The following CDK15 variants were observed in gnomAD, a reference collection of about 807,000 sequenced individuals.
CDK15 encodes the protein cyclin-dependent kinase 15.
Under a neutral mutation model 60.3 loss-of-function variants are expected in CDK15, and 62 were observed. The observed-to-expected ratio is 1.03, with a 90% CI of 0.84 to 1.27. CDK15 has a LOEUF of 1.27. Ranked by LOEUF, CDK15 falls within the 50% of genes most tolerant of loss-of-function variation. CDK15 has a pLI of 0.00. For missense variants in CDK15, 541 were observed against 527.8 expected (o/e 1.03, Z -0.25); for synonymous variants, 194 against 195.7 (o/e 0.99, Z 0.07).
chr2:201,812,107 G>C (rs1695796018), intron 3 of CDK15, among the ~76,000 whole-genome samples: 1 of 150,388 alleles, frequency 6.6e-6, no homozygotes, highest in Non-Finnish European at 1.5e-5. Flanking sequence ...CCAGGAGGTG[G>C]AGGTTGCAGT....
intron 6 of CDK15, among the ~76,000 whole-genome samples, chr2:201,824,124 G>A (rs1012231214): frequency 2.0e-5 from 3 of 152,130 alleles, no homozygotes; most frequent in Non-Finnish European, 4.4e-5. Flanking sequence ...TGCAATACTT[G>A]TACTAGCAGA....
chr2:201,856,644 G>A (rs1698155558), intron 10 of CDK15, among the ~76,000 whole-genome samples: 1 of 152,084 alleles, frequency 6.6e-6, no homozygotes, highest in Admixed American at 6.5e-5. Flanking sequence ...TTCCTGCCCT[G>A]CCTGTACTTC....
chr2:201,855,824 CTTT>C (rs570053529), intron 10 of CDK15, among the ~76,000 whole-genome samples: 13 of 133,996 alleles, frequency 9.7e-5, no homozygotes, highest in Admixed American at 1.5e-4. Context: ...GTTGTCCTTA[CTTT>C]TTTTTTTTTT....
intron 10 of CDK15, among the ~76,000 whole-genome samples, chr2:201,868,839 C>A (rs1196443128): frequency 1.6e-4 from 24 of 152,072 alleles, no homozygotes; most frequent in Non-Finnish European, 2.9e-5. Context: ...ATACCATCTC[C>A]CACCAGTTAG....
chr2:201,855,977 C>T (rs147943459), intron 10 of CDK15, among the ~76,000 whole-genome samples: 2 of 152,084 alleles, frequency 1.3e-5, no homozygotes, highest in African/African-American at 4.8e-5. Context: ...CAGGCACCCG[C>T]CACCATGCCC....
At chr2:201,888,577 GT>G in intron 12 of CDK15, 2 of 1,461,520 alleles carry the variant, frequency 1.4e-6, no homozygotes, top group Non-Finnish European at 1.8e-6. Context: ...AGCTTTTTTC[GT>G]TTTTTATTTC....
At chr2:201,812,937 GT>G (rs1695836343) in intron 4 of CDK15, among the ~76,000 whole-genome samples, 1 of 152,126 alleles carries the variant, frequency 6.6e-6, no homozygotes, top group Admixed American at 6.5e-5. Context: ...AACATAACAT[GT>G]TGTTAGCTAG....
At chr2:201,891,683 G>A (rs1039255871) in intron 13 of CDK15, among the ~76,000 whole-genome samples, 10 of 152,144 alleles carry the variant, frequency 6.6e-5, no homozygotes, top group East Asian at 1.9e-4. Context: ...AAAAGTCACC[G>A]TAGTATAGAC....
At chr2:201,888,558 C>G in intron 12 of CDK15, 1 of 1,475,260 alleles carries the variant, frequency 6.8e-7, no homozygotes. Context: ...TGAAGGAGAG[C>G]CGCGCTGCAG....
At chr2:201,873,720 T>A (rs530766362) in intron 11 of CDK15, among the ~76,000 whole-genome samples, 1 of 152,334 alleles carries the variant, frequency 6.6e-6, no homozygotes, top group African/African-American at 2.4e-5. Flanking sequence ...TCACCTTTTC[T>A]CAGACTTCTG....
intron 8 of CDK15, among the ~76,000 whole-genome samples, chr2:201,845,589 T>TAAAAA (rs35345906): frequency 2.0e-5 from 2 of 101,466 alleles, no homozygotes; most frequent in Non-Finnish European, 4.0e-5. Flanking sequence ...CCATCTGTAT[T>TAAAAA]AAAAAAAAAA....
intron 1 of CDK15, among the ~76,000 whole-genome samples, chr2:201,807,220 C>G (rs1695548225): frequency 1.3e-5 from 2 of 151,362 alleles, no homozygotes; most frequent in African/African-American, 2.4e-5. Flanking sequence ...CAGACTTAAA[C>G]AGAAAAAAGT....
chr2:201,837,329 A>G (rs1386876545), intron 8 of CDK15, among the ~76,000 whole-genome samples: 5 of 131,724 alleles, frequency 3.8e-5, no homozygotes, highest in South Asian at 2.8e-4. Context: ...GAGAGAAAGA[A>G]AGGAAAAGAG....
At chr2:201,856,640 C>G (rs1698155330) in intron 10 of CDK15, among the ~76,000 whole-genome samples, 1 of 152,176 alleles carries the variant, frequency 6.6e-6, no homozygotes, top group African/African-American at 2.4e-5. Flanking sequence ...TCTTTTCCTG[C>G]CCTGCCTGTA....
chr2:201,880,278 A>G (rs1699230409), intron 12 of CDK15, 111 bp downstream of exon 12: 2 of 1,300,504 alleles, frequency 1.5e-6, no homozygotes, highest in South Asian at 2.9e-5. Flanking sequence ...CATAGCATTT[A>G]CCCCCAGGAG....
At chr2:201,823,294 G>A (rs1227473586) in intron 5 of CDK15, among the ~76,000 whole-genome samples, 2 of 152,172 alleles carry the variant, frequency 1.3e-5, no homozygotes, top group East Asian at 1.9e-4. Context: ...AATAACTCAT[G>A]TTGTATTTTT....
chr2:201,889,676 T>G (rs1699574280), intron 12 of CDK15, among the ~76,000 whole-genome samples: 2 of 152,290 alleles, frequency 1.3e-5, no homozygotes, highest in Admixed American at 1.3e-4. Flanking sequence ...ATACCTGATT[T>G]GGACATCAAA....
intron 12 of CDK15, among the ~76,000 whole-genome samples, chr2:201,889,682 T>G (rs1187126195): frequency 6.6e-6 from 1 of 152,092 alleles, no homozygotes; most frequent in African/African-American, 2.4e-5. Flanking sequence ...GATTTGGACA[T>G]CAAAGGTAGT....
Position 201,881,199 on chromosome 2 carries a change from T to A in CDK15, c.1198+1032T>A, listed in dbSNP as rs529045920. On this transcript the variant is annotated intron_variant, in intron 12 of 13. Coordinates refer to ENST00000652192, the MANE Select transcript of CDK15 (RefSeq NM_001366386.2). Reference sequence around the variant, plus strand: ...TTTGCAGACGCAGCTCCTCTGTGTCTAGGACATCGTCCTGCAGCAGTCCAA... The same window carrying A: ...TTTGCAGACGCAGCTCCTCTGTGTCAAGGACATCGTCCTGCAGCAGTCCAA... 9.1e-4 allele frequency among the ~76,000 whole-genome samples: 139 copies of A among 152,298 alleles called. 1 individual carries two copies. Among genetic ancestry groups the A allele is most frequent in the African/African-American group, 3.2e-3 (133 of 41,572 alleles).
Sources: gnomAD v4.1 joint callset for allele counts (sites outside exome capture counted in the v4.1 genomes callset) on GRCh38, gnomAD v4.1.1 for gene constraint, MANE v1.5 for transcripts, NCBI Gene and HGNC (gene_info 2026-07-23, HGNC 2026-07-21) for gene names.